DAPP1: variants seen among roughly 807,000 people sequenced by gnomAD.
DAPP1 encodes dual adapter for phosphotyrosine and 3-phosphotyrosine and 3-phosphoinositide.
Under a neutral mutation model 41.5 loss-of-function variants are expected in DAPP1, and 20 were observed. That is an observed-to-expected ratio of 0.48 (90% CI 0.34 to 0.70). DAPP1 has a LOEUF of 0.70. Among genes scored for constraint, DAPP1 ranks in the 30% least tolerant of loss-of-function variants. The probability of loss-of-function intolerance (pLI) is 0.01; values close to 1 mark genes in which losing one functional copy is unlikely to be tolerated. For missense variants in DAPP1, 233 were observed against 333.4 expected, an observed-to-expected ratio of 0.70 and a Z score of 2.35; for synonymous variants, 113 against 116.2, an observed-to-expected ratio of 0.97 and a Z score of 0.18.
At chr4:99,818,603 AC>A (rs1722668781) in intron 1 of DAPP1, among the ~76,000 whole-genome samples, 2 of 152,106 alleles carry the variant, frequency 1.3e-5, no homozygotes, top group Non-Finnish European at 2.9e-5. Flanking sequence ...TACAGGTGAA[AC>A]CCACGGGTGG....
chr4:99,851,363 C>T (rs184432287), intron 3 of DAPP1, among the ~76,000 whole-genome samples: 75 of 152,112 alleles, frequency 4.9e-4, no homozygotes, highest in Admixed American at 2.4e-3. Context: ...GGGCCAGAGG[C>T]TTTCATTCTT....
chr4:99,825,959 AT>A (rs1408841338), intron 1 of DAPP1, among the ~76,000 whole-genome samples: 1 of 152,230 alleles, frequency 6.6e-6, no homozygotes. Context: ...TTCTAATGGC[AT>A]AGAGGGCCAA....
chr4:99,870,983 A>T (rs1289713606), downstream of DAPP1, among the ~76,000 whole-genome samples: 1 of 152,204 alleles, frequency 6.6e-6, no homozygotes, highest in African/African-American at 2.4e-5. Context: ...ACCCCATCAT[A>T]AGTCAAGGAA....
chr4:99,862,942 A>G, intron 5 of DAPP1, 68 bp from the exon 6 acceptor site: 1 of 1,136,274 alleles, frequency 8.8e-7, no homozygotes, highest in Non-Finnish European at 1.2e-6. Context: ...CATCTGGTTC[A>G]AATATTACAT....
At chr4:99,844,895 A>G (rs150176012) in intron 3 of DAPP1, among the ~76,000 whole-genome samples, 121 of 152,368 alleles carry the variant, frequency 7.9e-4, no homozygotes, top group African/African-American at 2.9e-3. Context: ...GTTAAAATTA[A>G]TTTTAATTTG....
intron 3 of DAPP1, among the ~76,000 whole-genome samples, chr4:99,848,662 G>T (rs1166961112): frequency 1.3e-5 from 2 of 152,170 alleles, no homozygotes; most frequent in Non-Finnish European, 2.9e-5. Flanking sequence ...CAATTGATGT[G>T]TCTGTCTTGA....
intron 1 of DAPP1, among the ~76,000 whole-genome samples, chr4:99,823,536 G>A (rs1366612737): frequency 6.6e-6 from 1 of 152,134 alleles, no homozygotes; most frequent in East Asian, 1.9e-4. Flanking sequence ...TTGCTTTTTG[G>A]TAGGATATTT....
chr4:99,854,063 G>C (rs1023260324), intron 4 of DAPP1, among the ~76,000 whole-genome samples: 7 of 152,084 alleles, frequency 4.6e-5, no homozygotes, highest in African/African-American at 1.7e-4. Flanking sequence ...TAAAAACTCA[G>C]GGTATTATTT....
At chr4:99,829,514 C>T (rs1723050214) in intron 1 of DAPP1, among the ~76,000 whole-genome samples, 1 of 151,954 alleles carries the variant, frequency 6.6e-6, no homozygotes, top group Non-Finnish European at 1.5e-5. Flanking sequence ...CCTAGGCATT[C>T]TTACTAGTCA....
Position 99,863,090 on chromosome 4 carries a change from A to G in DAPP1, c.600+18A>G, listed in dbSNP as rs563021667. 64 of 1,519,532 alleles carry G rather than the reference A, an allele frequency of 4.2e-5. No homozygotes were observed. The South Asian group carries it at 5.8e-4, about 14-fold the overall frequency. 94.1% of individuals were successfully genotyped at this position (1,519,532 alleles called of 1,614,324 possible). A position where few individuals can be genotyped will look rare whatever the true frequency, so the allele number is the denominator to read the frequency against. ...ACCAGATGGTGAGAAACATGATAATATATTTTTCCTTTAAAAATCAATTCT... is the reference window on the plus strand; with the variant it reads ...ACCAGATGGTGAGAAACATGATAATGTATTTTTCCTTTAAAAATCAATTCT... On this transcript the variant is annotated intron_variant, in intron 6 of 8. Coordinates refer to ENST00000512369, the MANE Select transcript of DAPP1 (RefSeq NM_014395.3).
Position 99,829,948 on chromosome 4 carries a change from C to T in DAPP1, c.102-5675C>T, listed in dbSNP as rs557752959. On this transcript the variant is annotated intron_variant, in intron 1 of 8. Coordinates refer to ENST00000512369, the MANE Select transcript of DAPP1 (RefSeq NM_014395.3). The stretch of plus-strand genomic sequence containing the variant: ...TTTTAAAATTTGTAATTTGCGATTT[C>T]TCATTTTAAATAAATATTCCTTTCT... 3.3e-4 allele frequency among the ~76,000 whole-genome samples: 50 copies of T among 152,184 alleles called. No individual in the cohort carries two copies. In the Middle Eastern group the frequency reaches 0.01, roughly 31 times the overall value.
At chr4:99,861,112 T>G (rs1481254794) in intron 4 of DAPP1, among the ~76,000 whole-genome samples, 2 of 152,222 alleles carry the variant, frequency 1.3e-5, no homozygotes, top group African/African-American at 2.4e-5. Context: ...GTAAAAATGC[T>G]ATTTCTAAGG....
At chr4:99,846,154 T>G (rs1003626824) in intron 3 of DAPP1, among the ~76,000 whole-genome samples, 18 of 152,154 alleles carry the variant, frequency 1.2e-4, no homozygotes, top group African/African-American at 4.3e-4. Context: ...AACTCACATC[T>G]CCTTTCTCAA....
At chr4:99,830,747 A>T (rs13353685) in intron 1 of DAPP1, among the ~76,000 whole-genome samples, 11,485 of 152,208 alleles carry the variant, frequency 0.075, 504 homozygotes, top group Middle Eastern at 0.14. Flanking sequence ...TTAATAGGAA[A>T]AAGCCAAACT....
At chr4:99,819,406 T>C (rs532399584) in intron 1 of DAPP1, among the ~76,000 whole-genome samples, 1 of 152,338 alleles carries the variant, frequency 6.6e-6, no homozygotes, top group South Asian at 2.1e-4. Flanking sequence ...TTTAACATCA[T>C]CGAATTGAAT....
At chr4:99,853,142 CCA>C (rs1478866058) in intron 3 of DAPP1, 74 bp from the exon 4 acceptor site, 4 of 1,534,568 alleles carry the variant, frequency 2.6e-6, no homozygotes, top group Admixed American at 3.9e-5. Context: ...TCCAATCCAG[CCA>C]CAGTTATCCA....
At chr4:99,856,437 G>A (rs1162235379) in intron 4 of DAPP1, among the ~76,000 whole-genome samples, 2 of 152,162 alleles carry the variant, frequency 1.3e-5, no homozygotes, top group African/African-American at 4.8e-5. Flanking sequence ...AAATTGAGGT[G>A]CTTCAAAGGC....
At chr4:99,817,088 A>T in intron 1 of DAPP1, 74 bp downstream of exon 1, 1 of 1,120,120 alleles carries the variant, frequency 8.9e-7, no homozygotes, top group Non-Finnish European at 1.3e-6. Flanking sequence ...GCATGCTTTG[A>T]TTAATGACTA....
At position 99,868,344 on chromosome 4, in the gene DAPP1, ACT is replaced by A; in HGVS notation, c.*161_*162del. ...TTGGGACCCATATACCACGTTGCTG[ACT>A]CACGTTGCTGCCCTTCCATGATGTT... On this transcript the variant is annotated 3_prime_UTR_variant, in exon 9 of 9. Transcript: ENST00000512369. 1.6e-6 allele frequency: 1 copy of A among 643,026 alleles called. No individual in the cohort carries two copies. Among genetic ancestry groups the A allele is most frequent in the Admixed American group, 2.7e-5 (1 of 36,904 alleles). The allele number at this position is 643,026 out of a possible 1,614,324, so 39.8% of individuals were successfully genotyped here. A position where few individuals can be genotyped will look rare whatever the true frequency, so the allele number is the denominator to read the frequency against.
Sources: allele counts gnomAD v4.1 joint callset (sites outside exome capture counted in the v4.1 genomes callset), GRCh38; gene constraint gnomAD v4.1.1; transcripts MANE v1.5; gene names NCBI Gene and HGNC (gene_info 2026-07-23, HGNC 2026-07-21).